The following CDH4 variants were observed in gnomAD, a reference collection of about 807,000 sequenced individuals.
The protein encoded by CDH4 is cadherin 4, also known as cadherin-4.
In CDH4, 33 loss-of-function variants were observed where a neutral mutation model predicts 86.0. That is an observed-to-expected ratio of 0.38 (90% CI 0.29 to 0.51). The LOEUF (loss-of-function observed/expected upper bound fraction) is 0.51. CDH4 is among the 20% of genes least tolerant of loss of function. The pLI, the probability that CDH4 is intolerant of heterozygous loss-of-function variation, is 0.86. For missense variants in CDH4, 1,114 were observed against 1,307.4 expected (o/e 0.85, Z 2.28); for synonymous variants, 555 against 549.4 (o/e 1.01, Z -0.14).
intron 2 of CDH4, among the ~76,000 whole-genome samples, chr20:61,391,782 C>A (rs539128968): frequency 6.6e-6 from 1 of 152,286 alleles, no homozygotes; most frequent in African/African-American, 2.4e-5. Context: ...AGGATATTGT[C>A]TGTCCCTAAT....
At chr20:61,935,105 C>T (rs2055166364) in intron 15 of CDH4, among the ~76,000 whole-genome samples, 1 of 152,224 alleles carries the variant, frequency 6.6e-6, no homozygotes, top group Non-Finnish European at 1.5e-5. Flanking sequence ...GCCTGTGGCT[C>T]TGCAGGGATC....
intron 2 of CDH4, among the ~76,000 whole-genome samples, chr20:61,443,200 C>T (rs2085323450): frequency 6.6e-6 from 1 of 152,234 alleles, no homozygotes; most frequent in Non-Finnish European, 1.5e-5. Flanking sequence ...AAATACCACT[C>T]CCCTGCACGC....
At chr20:61,856,732 T>A (rs1347430433) in intron 6 of CDH4, among the ~76,000 whole-genome samples, 1 of 152,258 alleles carries the variant, frequency 6.6e-6, no homozygotes, top group Non-Finnish European at 1.5e-5. Flanking sequence ...TGACCTGCCC[T>A]GCTGGGCTCA....
intron 3 of CDH4, among the ~76,000 whole-genome samples, chr20:61,748,343 G>A (rs1183083879): frequency 6.6e-6 from 1 of 152,154 alleles, no homozygotes; most frequent in Non-Finnish European, 1.5e-5. Context: ...GTGTTGGCCA[G>A]GCTGGTCTGG....
At chr20:61,844,940 C>T in intron 5 of CDH4, 117 bp downstream of exon 5, 2 of 1,055,844 alleles carry the variant, frequency 1.9e-6, no homozygotes, top group Non-Finnish European at 1.3e-6. Flanking sequence ...GGCAGCACTC[C>T]AACTTTGGCC....
At position 61,514,900 on chromosome 20, in the gene CDH4, G is replaced by T. The variant is rs538890628; in HGVS notation, c.170-228663G>T. ...GGCACCTGGGCGGCAGCCATGGGGT[G>T]GGGGGAAGGGCCCAGGACCTCCCTG... On this transcript the variant is annotated intron_variant, in intron 2 of 15. Coordinates refer to ENST00000614565, the MANE Select transcript of CDH4 (RefSeq NM_001794.5). Among the ~76,000 whole-genome samples the T allele has an allele frequency of 5.9e-5, 9 of 152,296 alleles. No homozygotes were observed. The East Asian group carries it at 1.6e-3, about 26-fold the overall frequency.
Position 61,570,610 on chromosome 20 carries a change from G to T in CDH4, c.170-172953G>T, listed in dbSNP as rs1008638929. 4 of 701,778 alleles carry T rather than the reference G, an allele frequency of 5.7e-6. No homozygotes were observed. In the East Asian group the frequency reaches 1.1e-4, roughly 19 times the overall value. 43.5% of individuals were successfully genotyped at this position (701,778 alleles called of 1,614,324 possible). A position where few individuals can be genotyped will look rare whatever the true frequency, so the allele number is the denominator to read the frequency against. ...TTGCTCTGCCCTTTAAAGGGTCCTG[G>T]TGTGTTTGGGAATGGGACAGACAAT... On this transcript the variant is annotated intron_variant, in intron 2 of 15. Transcript: ENST00000614565.
chr20:61,641,635 G>A (rs1217252874), intron 2 of CDH4, among the ~76,000 whole-genome samples: 1 of 150,952 alleles, frequency 6.6e-6, no homozygotes, highest in Admixed American at 6.6e-5. Context: ...GACCCACCAG[G>A]CACCACAGCA....
intron 15 of CDH4, 25 bp downstream of exon 15, chr20:61,934,245 G>A (rs760401886): frequency 2.0e-5 from 30 of 1,510,888 alleles, no homozygotes; most frequent in Middle Eastern, 1.8e-4. Flanking sequence ...GCAGTGGGGG[G>A]CCCGGGCAAG....
At chr20:61,425,643 G>A (rs1396604134) in intron 2 of CDH4, among the ~76,000 whole-genome samples, 2 of 152,270 alleles carry the variant, frequency 1.3e-5, no homozygotes, top group East Asian at 1.9e-4. Flanking sequence ...ACAGAAACCC[G>A]GGTGACGGCG....
chr20:61,493,387 T>C (rs1022751680), intron 2 of CDH4, among the ~76,000 whole-genome samples: 1 of 152,230 alleles, frequency 6.6e-6, no homozygotes, highest in African/African-American at 2.4e-5. Flanking sequence ...TCTGAGTTTT[T>C]TGCTTCTTAC....
In CDH4 at chr20:61,499,489, G is replaced by T. The variant is rs560532547; in HGVS notation, c.170-244074G>T. ...CGCCTCCTTTCTACCCTGCTTTAAA[G>T]AAGGCAAGTGTGAGTGTGCTAGGGG... On this transcript the variant is annotated intron_variant, in intron 2 of 15. Transcript: ENST00000614565. The T allele has an allele frequency of 2.0e-4, 252 of 1,289,142 alleles. No homozygotes were observed. In the African/African-American group the frequency reaches 3.3e-3, roughly 17 times the overall value. The allele number at this position is 1,289,142 out of a possible 1,614,324, so 79.9% of individuals were successfully genotyped here.
intron 4 of CDH4, among the ~76,000 whole-genome samples, chr20:61,809,928 A>T (rs1980343145): frequency 6.6e-6 from 1 of 152,178 alleles, no homozygotes; most frequent in African/African-American, 2.4e-5. Flanking sequence ...TCAGTGGCAC[A>T]GGAGGCTGTT....
At position 61,471,948 on chromosome 20, in the gene CDH4, A is replaced by G. The variant is rs1374080894; in HGVS notation, c.169+217011A>G. ...TATCATCTGTCCTTGAGGATGATTTATGTTATGAAGAGAAGAATGTGTATT... is the reference window on the plus strand; with the variant it reads ...TATCATCTGTCCTTGAGGATGATTTGTGTTATGAAGAGAAGAATGTGTATT... On this transcript the variant is annotated intron_variant, in intron 2 of 15. Transcript: ENST00000614565. 4.6e-5 allele frequency among the ~76,000 whole-genome samples: 7 copies of G among 152,302 alleles called. No homozygotes were observed. In the East Asian group the frequency reaches 1.2e-3, roughly 25 times the overall value.
chr20:61,537,971 C>T (rs1361594268), intron 2 of CDH4, among the ~76,000 whole-genome samples: 1 of 152,184 alleles, frequency 6.6e-6, no homozygotes, highest in Admixed American at 6.5e-5. Context: ...GTCAGGCCAA[C>T]CCGGCCACAT....
chr20:61,286,054 A>T (rs554945382), intron 2 of CDH4, among the ~76,000 whole-genome samples: 1 of 152,296 alleles, frequency 6.6e-6, no homozygotes, highest in East Asian at 1.9e-4. Context: ...TGCGCTCTGG[A>T]TGTGCCAGCC....
At chr20:61,489,611 A>T (rs1255039978) in intron 2 of CDH4, among the ~76,000 whole-genome samples, 1 of 152,252 alleles carries the variant, frequency 6.6e-6, no homozygotes, top group Non-Finnish European at 1.5e-5. Context: ...GGATGAGTTG[A>T]ACCCTCAGCC....
intron 2 of CDH4, among the ~76,000 whole-genome samples, chr20:61,644,632 G>C (rs927931215): frequency 9.2e-5 from 14 of 152,182 alleles, no homozygotes; most frequent in African/African-American, 3.4e-4. Context: ...GTCTCCCCAG[G>C]CCCCACCCGC....
At chr20:61,281,209 A>G (rs1453901050) in intron 2 of CDH4, among the ~76,000 whole-genome samples, 2 of 152,124 alleles carry the variant, frequency 1.3e-5, no homozygotes, top group African/African-American at 4.8e-5. Flanking sequence ...CGTGGTCTCA[A>G]TGTTGGAGTT....
Sources: gnomAD v4.1 joint callset for allele counts (sites outside exome capture counted in the v4.1 genomes callset) on GRCh38, gnomAD v4.1.1 for gene constraint, MANE v1.5 for transcripts, NCBI Gene and HGNC (gene_info 2026-07-23, HGNC 2026-07-21) for gene names.